TAS2R1: variants seen among roughly 807,000 people sequenced by gnomAD.
TAS2R1 encodes taste receptor type 2 member 1.
For missense variants in TAS2R1, 370 were observed against 353.4 expected (o/e 1.05, Z -0.38); for synonymous variants, 141 against 134.2 (o/e 1.05, Z -0.35).
At chr5:9,753,011 G>A in the TAS2R1 span, among the ~76,000 whole-genome samples, 8 of 152,264 alleles carry the variant, frequency 5.3e-5, no homozygotes, top group South Asian at 4.2e-4. Context: ...ATAAACATAC[G>A]TGTGCATGTG....
intron 2 of TAS2R1, among the ~76,000 whole-genome samples, chr5:9,643,915 G>A (rs537228470): frequency 2.0e-5 from 3 of 152,096 alleles, no homozygotes; most frequent in Non-Finnish European, 4.4e-5. Flanking sequence ...AGACCTGGAT[G>A]GAAGATCTGG....
At chr5:9,869,115 A>G in the TAS2R1 span, among the ~76,000 whole-genome samples, 1 of 152,166 alleles carries the variant, frequency 6.6e-6, no homozygotes, top group African/African-American at 2.4e-5. Flanking sequence ...TGAGCCCTCC[A>G]AACTGTTCCA....
chr5:9,760,122 T>C, the TAS2R1 span, among the ~76,000 whole-genome samples: 1 of 152,304 alleles, frequency 6.6e-6, no homozygotes, highest in East Asian at 1.9e-4. Flanking sequence ...GACCAATTCC[T>C]TGAAAAACAC....
chr5:9,843,955 T>G, the TAS2R1 span, among the ~76,000 whole-genome samples: 1 of 152,238 alleles, frequency 6.6e-6, no homozygotes, highest in Non-Finnish European at 1.5e-5. Context: ...TCTAGAGGTT[T>G]CACTCAGTTC....
Position 9,630,151 on chromosome 5 carries a change from A to C in TAS2R1, c.-119T>G. 2.5e-6 allele frequency: 2 copies of C among 800,648 alleles called. No homozygotes were observed. Among genetic ancestry groups the C allele is most frequent in the African/African-American group, 1.7e-5 (1 of 57,466 alleles). The allele number at this position is 800,648 out of a possible 1,614,324, so 49.6% of individuals were successfully genotyped here. A position where few individuals can be genotyped will look rare whatever the true frequency, so the allele number is the denominator to read the frequency against. On this transcript the variant is annotated 5_prime_UTR_variant, in exon 1 of 1. Coordinates refer to ENST00000382492, the MANE Select transcript of TAS2R1 (RefSeq NM_019599.3). ...CCTCTGGGGAAGAAGACTAACAATA[A>C]AGGCATGGGGCAGGAAGGTGGTGTA... is the stretch of plus-strand genomic sequence containing the variant.
chr5:9,742,913 TCAGTCAGAGAAA>T, the TAS2R1 span, among the ~76,000 whole-genome samples: 8 of 151,878 alleles, frequency 5.3e-5, no homozygotes, highest in African/African-American at 9.7e-5. Flanking sequence ...AAAAAAGACA[TCAGTCAGAGAAA>T]CAGTCAGAGA....
chr5:9,669,689 A>C (rs1338967133), intron 1 of TAS2R1, among the ~76,000 whole-genome samples: 3 of 152,206 alleles, frequency 2.0e-5, no homozygotes, highest in African/African-American at 7.2e-5. Context: ...TTAAAGTAGA[A>C]ATCAAGAAAT....
chr5:9,831,816 G>A, the TAS2R1 span, among the ~76,000 whole-genome samples: 16 of 151,960 alleles, frequency 1.1e-4, no homozygotes, highest in Non-Finnish European at 1.0e-4. Context: ...TTATATTTGC[G>A]ATTTTTATCT....
the TAS2R1 span, among the ~76,000 whole-genome samples, chr5:9,748,639 C>CT: frequency 6.6e-6 from 1 of 151,524 alleles, no homozygotes; most frequent in Non-Finnish European, 1.5e-5. Flanking sequence ...AGATAGTAGG[C>CT]TTTTTTCAGC....
At chr5:9,726,019 C>G in the TAS2R1 span, among the ~76,000 whole-genome samples, 1 of 148,270 alleles carries the variant, frequency 6.7e-6, no homozygotes, top group South Asian at 2.2e-4. Flanking sequence ...CAATCAGCAC[C>G]CTGTGTCTAG....
At chr5:9,892,414 C>G in the TAS2R1 span, among the ~76,000 whole-genome samples, 1 of 152,206 alleles carries the variant, frequency 6.6e-6, no homozygotes, top group African/African-American at 2.4e-5. Flanking sequence ...CCCATTCCTT[C>G]CTTTCCAATT....
chr5:9,793,227 G>A, the TAS2R1 span, among the ~76,000 whole-genome samples: 1 of 152,178 alleles, frequency 6.6e-6, no homozygotes, highest in Admixed American at 6.5e-5. Context: ...GAGGAATTAG[G>A]AGGGGAAAGG....
the TAS2R1 span, among the ~76,000 whole-genome samples, chr5:9,758,472 G>A: frequency 5.9e-5 from 9 of 152,164 alleles, no homozygotes; most frequent in South Asian, 1.9e-3. Context: ...ATTTTTAATT[G>A]GTTGGAGCTC....
At chr5:9,773,332 C>CT in the TAS2R1 span, among the ~76,000 whole-genome samples, 4,568 of 151,500 alleles carry the variant, frequency 0.03, 297 homozygotes, top group East Asian at 0.28. Flanking sequence ...CTCTTTTTAA[C>CT]TTTTTTTTTG....
chr5:9,824,844 G>GA, the TAS2R1 span, among the ~76,000 whole-genome samples: 41,431 of 132,582 alleles, frequency 0.31, 6,821 homozygotes, highest in Non-Finnish European at 0.36. Flanking sequence ...TGAAAACTCT[G>GA]AAAAAAAAAA....
At chr5:9,747,449 G>A in the TAS2R1 span, among the ~76,000 whole-genome samples, 2 of 152,150 alleles carry the variant, frequency 1.3e-5, no homozygotes, top group Non-Finnish European at 2.9e-5. Flanking sequence ...AAGGCAGAAT[G>A]GGAGGGGGAA....
the TAS2R1 span, among the ~76,000 whole-genome samples, chr5:9,778,171 C>A: frequency 6.6e-6 from 1 of 151,580 alleles, no homozygotes; most frequent in Admixed American, 6.6e-5. Context: ...TGAGCCACCA[C>A]GCCCGGCGGG....
At chr5:9,716,127 G>C (rs144356631), upstream of TAS2R1, among the ~76,000 whole-genome samples, 524 of 152,248 alleles carry the variant, frequency 3.4e-3, 3 homozygotes, top group African/African-American at 0.012. Context: ...CTAGTATTGA[G>C]ACAGGCAAGT....
chr5:9,717,311 G>A (rs1173916080), upstream of TAS2R1, among the ~76,000 whole-genome samples: 3 of 151,786 alleles, frequency 2.0e-5, no homozygotes, highest in Admixed American at 6.6e-5. Context: ...AGACAGAGAC[G>A]GGAAAGAAGG....
Sources: gnomAD v4.1 joint callset for allele counts (sites outside exome capture counted in the v4.1 genomes callset) on GRCh38, gnomAD v4.1.1 for gene constraint, MANE v1.5 for transcripts, NCBI Gene and HGNC (gene_info 2026-07-23, HGNC 2026-07-21) for gene names.